The following PIKFYVE variants were observed in gnomAD, a reference collection of about 807,000 sequenced individuals.
The protein encoded by PIKFYVE is phosphoinositide kinase, FYVE-type zinc finger containing, also known as 1-phosphatidylinositol 3-phosphate 5-kinase.
Under a neutral mutation model 257.9 loss-of-function variants are expected in PIKFYVE, and 122 were observed. That is an observed-to-expected ratio of 0.47 (90% CI 0.41 to 0.55). The LOEUF (loss-of-function observed/expected upper bound fraction) is 0.55, where lower values mean the gene tolerates loss of function less well. PIKFYVE is among the 20% of genes least tolerant of loss of function. The pLI is 0.00. For missense variants in PIKFYVE, 2,160 were observed against 2,536.6 expected, an observed-to-expected ratio of 0.85 and a Z score of 3.19; for synonymous variants, 892 against 868.9, an observed-to-expected ratio of 1.03 and a Z score of -0.47.
intron 16 of PIKFYVE, among the ~76,000 whole-genome samples, 200 bp downstream of exon 16, chr2:208,318,141 A>G (rs1440237694): frequency 6.6e-6 from 1 of 152,160 alleles, no homozygotes; most frequent in African/African-American, 2.4e-5. Context: ...GAATAATGGG[A>G]ATTCACCAGA....
chr2:208,347,777 AAC>A lies in PIKFYVE; in HGVS notation c.5210-80_5210-79del, dbSNP rs1699369326. On this transcript the variant is annotated intron_variant, in intron 34 of 41. Transcript: ENST00000264380. ...TTAGCTTCATATAGTGGTTACAACT[AAC>A]AAAGAAATGAGCTGAAAATTTTTAT... 3.8e-5 allele frequency: 48 copies of A among 1,251,908 alleles called. No individual in the cohort carries two copies. The South Asian group carries it at 6.0e-4, about 16-fold the overall frequency. 77.5% of individuals were successfully genotyped at this position (1,251,908 alleles called of 1,614,324 possible).
rs558680384 is a variant in PIKFYVE, at chr2:208,346,925, A to G, written c.5209+778A>G. ...TTGCAAGCTGCCGCTGTTCTCTTTC[A>G]TTAGGAAAGCAGAGGCTCCTCCTTT... On this transcript the variant is annotated intron_variant, in intron 34 of 41. Transcript: ENST00000264380. 2.0e-5 allele frequency among the ~76,000 whole-genome samples: 3 copies of G among 152,306 alleles called. No individual in the cohort carries two copies. In the South Asian group the frequency reaches 6.2e-4, roughly 32 times the overall value.
At chr2:208,354,277 A>T (rs1700020927) in intron 40 of PIKFYVE, 118 bp downstream of exon 40, 1 of 1,327,188 alleles carries the variant, frequency 7.5e-7, no homozygotes, top group Non-Finnish European at 1.0e-6. Flanking sequence ...CTTTCATTTG[A>T]AATTTCAAAA....
At chr2:208,333,126 C>T (rs1045212541) in intron 23 of PIKFYVE, among the ~76,000 whole-genome samples, 189 bp from the exon 24 acceptor site, 2 of 151,448 alleles carry the variant, frequency 1.3e-5, no homozygotes, top group East Asian at 1.9e-4. Flanking sequence ...CCCAGCTACT[C>T]AGGAGGCTGA....
At chr2:208,314,929 G>C (rs921213059) in intron 14 of PIKFYVE, among the ~76,000 whole-genome samples, 14 of 151,936 alleles carry the variant, frequency 9.2e-5, no homozygotes, top group Non-Finnish European at 2.1e-4. Context: ...GCCCCAAACT[G>C]TGCTTGTCTG....
At chr2:208,279,518 C>T (rs1262898460) in intron 5 of PIKFYVE, among the ~76,000 whole-genome samples, 1 of 152,124 alleles carries the variant, frequency 6.6e-6, no homozygotes, top group Non-Finnish European at 1.5e-5. Flanking sequence ...TCTTCTAGGA[C>T]TTTCATAGTT....
chr2:208,350,735 C>A, intron 36 of PIKFYVE, 36 bp from the exon 37 acceptor site: 2 of 1,607,104 alleles, frequency 1.2e-6, no homozygotes, highest in South Asian at 2.2e-5. Flanking sequence ...TTTTCTGAGT[C>A]ATAAAGCTTT....
chr2:208,320,952 G>A (rs1696136351), intron 17 of PIKFYVE, among the ~76,000 whole-genome samples: 1 of 152,202 alleles, frequency 6.6e-6, no homozygotes, highest in African/African-American at 2.4e-5. Context: ...CCGCATCTCT[G>A]TGTGGTTCTT....
intron 40 of PIKFYVE, 83 bp downstream of exon 40, chr2:208,354,242 A>G: frequency 4.8e-6 from 7 of 1,458,332 alleles, no homozygotes; most frequent in Non-Finnish European, 6.5e-6. Flanking sequence ...TGGTCTAATA[A>G]TAGCTTATTG....
In PIKFYVE at chr2:208,358,166, C is replaced by G. The variant is rs1164636943; in HGVS notation, c.*2861C>G. 6.6e-6 allele frequency: 1 copy of G among 152,488 alleles called. No individual in the cohort carries two copies. Among genetic ancestry groups the G allele is most frequent in the Non-Finnish European group, 1.5e-5 (1 of 68,022 alleles). The allele number at this position is 152,488 out of a possible 1,614,324, so 9.4% of individuals were successfully genotyped here. On this transcript the variant is annotated 3_prime_UTR_variant, in exon 42 of 42. Coordinates refer to ENST00000264380, the MANE Select transcript of PIKFYVE (RefSeq NM_015040.4). ...AATAGTAGGGTTATATCGATATCAG[C>G]TTTTGTGATGGCATTGTGGTCATCA... is the stretch of plus-strand genomic sequence containing the variant.
intron 7 of PIKFYVE, among the ~76,000 whole-genome samples, chr2:208,289,681 C>T (rs4499359): frequency 0.93 from 141,452 of 152,098 alleles, 66,303 homozygotes; most frequent in Non-Finnish European, 0.98. Context: ...CCACCCACCT[C>T]GGCCTCCCAA....
intron 12 of PIKFYVE, among the ~76,000 whole-genome samples, chr2:208,307,291 G>A (rs6733607): frequency 0.93 from 141,627 of 152,288 alleles, 66,386 homozygotes; most frequent in Non-Finnish European, 0.98. Flanking sequence ...GAAAGTTTAT[G>A]TAATATTGAT....
Position 208,330,542 on chromosome 2 carries a change from A to G in PIKFYVE, c.3811A>G (p.Ser1271Gly), listed in dbSNP as rs369520881. 1.9e-5 allele frequency: 30 copies of G among 1,614,046 alleles called. No individual in the cohort carries two copies. Among genetic ancestry groups the G allele is most frequent in the Non-Finnish European group, 1.9e-5 (23 of 1,180,014 alleles). The change falls in exon 23 of 42, where the codon AGC becomes GGC. Residue 1271 changes from serine (S) to glycine (G), a missense_variant. Around this residue, in one of 12 missense-constraint regions of PIKFYVE, gnomAD observed 55 missense variants for 103.0 expected, o/e 0.53. Transcript: ENST00000264380. Reference protein sequence around the residue: ...YCFRPSYQCPSMFCDTPMVHH... With the variant: ...YCFRPSYQCPGMFCDTPMVHH... ...TCAAAGGCCTTCTTATCAGTGTCCAAGCATGTTCTGTGATACCCCCATGGT... is the reference window on the plus strand; with the variant it reads ...TCAAAGGCCTTCTTATCAGTGTCCAGGCATGTTCTGTGATACCCCCATGGT...
chr2:208,305,454 A>T (rs1194239962), intron 12 of PIKFYVE: 2 of 971,040 alleles, frequency 2.1e-6, no homozygotes, highest in Non-Finnish European at 2.5e-6. Flanking sequence ...ATTGGGGGAA[A>T]ATCATTCACA....
chr2:208,337,984 A>G (rs1295085613), intron 28 of PIKFYVE, among the ~76,000 whole-genome samples: 3 of 152,028 alleles, frequency 2.0e-5, no homozygotes. Context: ...TGGCCTCCCG[A>G]AGTTTTGGGA....
At chr2:208,351,099 T>G in intron 37 of PIKFYVE, 152 bp downstream of exon 37, 1 of 1,149,972 alleles carries the variant, frequency 8.7e-7, no homozygotes, top group Non-Finnish European at 1.2e-6. Flanking sequence ...ATTTAGTAGT[T>G]TTAAAAAGTA....
chr2:208,288,931 C>T (rs1334813988), intron 7 of PIKFYVE, 113 bp downstream of exon 7: 2 of 1,315,922 alleles, frequency 1.5e-6, no homozygotes, highest in Non-Finnish European at 2.2e-6. Context: ...TTCCGTAGCT[C>T]TAAAAGCTGA....
Position 208,330,655 on chromosome 2 carries a change from T to C in PIKFYVE, c.3924T>C (p.His1308=). Residue 1308 remains histidine (H), a synonymous_variant, in exon 23 of 42, where the codon CAT becomes CAC. Transcript: ENST00000264380. The part of the protein sequence containing the change: ...ELDSPVPGYQ[H]TILTYSWCRI... Reference sequence around the variant, plus strand: ...ATTCTCCAGTACCTGGATATCAGCATACAATTCTTACATATTCCTGGTGTA... The same window carrying C: ...ATTCTCCAGTACCTGGATATCAGCACACAATTCTTACATATTCCTGGTGTA... 6.2e-7 allele frequency: 1 copy of C among 1,614,124 alleles called. No individual in the cohort carries two copies. The highest frequency in any genetic ancestry group is 2.2e-5 in the East Asian group (1 of 44,888).
Position 208,326,351 on chromosome 2 carries a change from A to G in PIKFYVE, c.3540A>G (p.Ser1180=). ...FAHSKDASST[S]SGQSGSKNEG... ...ATTCAAAGGATGCATCAAGTACTTC[A>G]AGTGGCCAATCAGGAAGCAAAAATG... is the stretch of plus-strand genomic sequence containing the variant. The change falls in exon 20 of 42, where the codon TCA becomes TCG. Residue 1180 remains serine (S), a synonymous_variant. Transcript: ENST00000264380. The G allele has an allele frequency of 6.2e-7, 1 of 1,613,890 alleles. No homozygotes were observed. The highest frequency in any genetic ancestry group is 8.5e-7 in the Non-Finnish European group (1 of 1,179,934).
Sources: gnomAD v4.1 joint callset for allele counts (sites outside exome capture counted in the v4.1 genomes callset) on GRCh38, gnomAD v4.1.1 for gene constraint, gnomAD v4.1.1 regional missense constraint, MANE v1.5 for transcripts, NCBI Gene and HGNC (gene_info 2026-07-23, HGNC 2026-07-21) for gene names.